The following SLC44A1 variants were observed in gnomAD, a reference collection of about 807,000 sequenced individuals.
SLC44A1 encodes the protein solute carrier family 44 member 1, also known as choline transporter-like protein 1.
In SLC44A1, 26 loss-of-function variants were observed where a neutral mutation model predicts 79.3. The ratio of observed to expected loss-of-function variants is 0.33; its 90% CI spans 0.24 to 0.46. The LOEUF is 0.46. Among genes scored for constraint, SLC44A1 ranks in the 20% least tolerant of loss-of-function variants. The pLI is 1.00. For synonymous variants in SLC44A1, 263 were observed against 286.2 expected, an observed-to-expected ratio of 0.92 and a Z score of 0.82; for missense variants, 688 against 798.1, an observed-to-expected ratio of 0.86 and a Z score of 1.66.
At chr9:105,401,034 C>G (rs551938222), downstream of SLC44A1, among the ~76,000 whole-genome samples, 1 of 152,288 alleles carries the variant, frequency 6.6e-6, no homozygotes, top group Non-Finnish European at 1.5e-5. Context: ...GAACACAGGC[C>G]TCTGAGTGGA....
intron 15 of SLC44A1, among the ~76,000 whole-genome samples, chr9:105,423,677 T>C (rs572126497): frequency 3.3e-4 from 51 of 152,348 alleles, no homozygotes; most frequent in African/African-American, 1.1e-3. Context: ...TAACCTTTCA[T>C]ATCTCAGTAA....
intron 2 of SLC44A1, among the ~76,000 whole-genome samples, chr9:105,303,215 TA>T (rs1830928385): frequency 6.6e-6 from 1 of 151,734 alleles, no homozygotes; most frequent in Non-Finnish European, 1.5e-5. Context: ...TTATGCCCAA[TA>T]AGGTACTCCC....
At chr9:105,306,725 A>G (rs1831042367) in intron 2 of SLC44A1, among the ~76,000 whole-genome samples, 1 of 151,954 alleles carries the variant, frequency 6.6e-6, no homozygotes, top group South Asian at 2.1e-4. Flanking sequence ...GCTTATGATG[A>G]TAAAGAAAAA....
rs200139000 is a variant in SLC44A1, at chr9:105,361,330, A to C, written c.900A>C (p.Thr300=). ...LIYAISATVF[T]VILFLIMLVM... is the part of the protein sequence containing the mutation. ...ATGCCATTTCAGCTACAGTGTTCAC[A>C]GTGAGTTTAGGCTTTGGCGTGTCTT... The change falls in exon 8 of 16, where the codon ACA becomes ACC. Residue 300 remains threonine (T), a splice_region_variant and synonymous_variant. Coordinates refer to ENST00000374720, the MANE Select transcript of SLC44A1 (RefSeq NM_080546.5). 6 of 1,601,866 alleles carry C rather than the reference A, an allele frequency of 3.7e-6. No homozygotes were observed. In the East Asian group the frequency reaches 1.3e-4, roughly 36 times the overall value.
chr9:105,253,065 C>A (rs537730028), intron 1 of SLC44A1, among the ~76,000 whole-genome samples: 27 of 152,216 alleles, frequency 1.8e-4, no homozygotes, highest in Non-Finnish European at 3.1e-4. Context: ...TTGATAAACC[C>A]CTGGAATTTA....
intron 15 of SLC44A1, chr9:105,438,195 C>T (rs1297560748): frequency 2.1e-5 from 23 of 1,102,684 alleles, no homozygotes; most frequent in Non-Finnish European, 1.3e-6. Flanking sequence ...AAGACGATCC[C>T]ACACTATTTC....
Position 105,395,264 on chromosome 9 carries a change from C to T in SLC44A1, c.*6208C>T. 1 of 865,000 alleles carries T rather than the reference C, an allele frequency of 1.2e-6. No individual in the cohort carries two copies. Among genetic ancestry groups the T allele is most frequent in the Non-Finnish European group, 1.4e-6 (1 of 720,340 alleles). 53.6% of individuals were successfully genotyped at this position (865,000 alleles called of 1,614,324 possible). A position where few individuals can be genotyped will look rare whatever the true frequency, so the allele number is the denominator to read the frequency against. On this transcript the variant is annotated 3_prime_UTR_variant, in exon 16 of 16. Coordinates refer to ENST00000374720, the MANE Select transcript of SLC44A1 (RefSeq NM_080546.5). ...AGACGGAGTCTCGCTCTATCGCCAGCTTAGAGTGCAGTGGCTCAATCTTAG... is the reference window on the plus strand; with the variant it reads ...AGACGGAGTCTCGCTCTATCGCCAGTTTAGAGTGCAGTGGCTCAATCTTAG...
intron 13 of SLC44A1, among the ~76,000 whole-genome samples, chr9:105,378,846 A>G (rs1379672005): frequency 6.6e-6 from 1 of 152,262 alleles, no homozygotes; most frequent in African/African-American, 2.4e-5. Flanking sequence ...TTCAACTAAT[A>G]GATCATAATA....
chr9:105,419,961 C>G (rs1829224193), intron 15 of SLC44A1, among the ~76,000 whole-genome samples: 1 of 151,650 alleles, frequency 6.6e-6, no homozygotes, highest in African/African-American at 2.4e-5. Flanking sequence ...TTCCATGCTG[C>G]CTGCTCTGAG....
Position 105,363,021 on chromosome 9 carries a change from C to A in SLC44A1, c.1087+14C>A. The A allele has an allele frequency of 6.4e-7, 1 of 1,567,578 alleles. No homozygotes were observed. Among genetic ancestry groups the A allele is most frequent in the Non-Finnish European group, 8.7e-7 (1 of 1,151,226 alleles). On this transcript the variant is annotated intron_variant, in intron 9 of 15. Coordinates refer to ENST00000374720, the MANE Select transcript of SLC44A1 (RefSeq NM_080546.5). The stretch of plus-strand genomic sequence containing the variant: ...TTGGCACTACCGGTAAGAAGATAAG[C>A]TTCTTTCTCTTAGTGACAAACGTGA...
At position 105,396,979 on chromosome 9, in the gene SLC44A1, C is replaced by T. The variant is rs1056307891; in HGVS notation, c.*7923C>T. On this transcript the variant is annotated 3_prime_UTR_variant, in exon 16 of 16. Transcript: ENST00000374720. ...ACAGTTGTAGCCCTAGTATTTGTGACGGTCATTATTGACACAGTGCAGACT... is the reference window on the plus strand; with the variant it reads ...ACAGTTGTAGCCCTAGTATTTGTGATGGTCATTATTGACACAGTGCAGACT... 2.0e-6 allele frequency: 2 copies of T among 985,288 alleles called. No individual in the cohort carries two copies. The highest frequency in any genetic ancestry group is 2.4e-6 in the Non-Finnish European group (2 of 829,860). 61.0% of individuals were successfully genotyped at this position (985,288 alleles called of 1,614,324 possible).
intron 1 of SLC44A1, among the ~76,000 whole-genome samples, chr9:105,256,235 C>A (rs1363296447): frequency 6.6e-6 from 1 of 152,062 alleles, no homozygotes; most frequent in African/African-American, 2.4e-5. Flanking sequence ...TGGTCTTGAA[C>A]TCCTGAGCTC....
intron 2 of SLC44A1, 45 bp from the exon 3 acceptor site, chr9:105,309,679 T>A (rs1378150989): frequency 1.3e-6 from 2 of 1,580,958 alleles, no homozygotes; most frequent in South Asian, 1.1e-5. Context: ...GACTGTTGGC[T>A]ATTGAAATGG....
intron 14 of SLC44A1, among the ~76,000 whole-genome samples, chr9:105,385,013 A>G (rs773232586): frequency 4.6e-5 from 7 of 152,184 alleles, no homozygotes; most frequent in Non-Finnish European, 1.0e-4. Context: ...TTCTATGGTT[A>G]TTTAAAAGTG....
In SLC44A1 at chr9:105,374,677, A is replaced by G; in HGVS notation, c.1574A>G (p.Asn525Ser). The change falls in exon 13 of 16, where the codon AAT becomes AGT. Residue 525 changes from asparagine (N) to serine (S), a missense_variant. Physicochemically the swap from Asn to Ser is conservative, Grantham distance 46 (BLOSUM62 1). Coordinates refer to ENST00000374720, the MANE Select transcript of SLC44A1 (RefSeq NM_080546.5). ...AKDAFVILVE[N>S]ALRVATINTV... Reference sequence around the variant, plus strand: ...GATGCCTTTGTCATTCTGGTGGAGAATGCTTTGCGAGTGGCTACCATCAAC... The same window carrying G: ...GATGCCTTTGTCATTCTGGTGGAGAGTGCTTTGCGAGTGGCTACCATCAAC... 1.2e-6 allele frequency: 2 copies of G among 1,613,814 alleles called. No homozygotes were observed. Among genetic ancestry groups the G allele is most frequent in the Non-Finnish European group, 1.7e-6 (2 of 1,179,666 alleles).
chr9:105,375,714 G>A (rs2131445525), intron 13 of SLC44A1, among the ~76,000 whole-genome samples: 1 of 152,234 alleles, frequency 6.6e-6, no homozygotes, highest in Non-Finnish European at 1.5e-5. Context: ...CCTTAGAAGT[G>A]TCGAACAAGA....
chr9:105,426,483 C>G (rs1156300832), intron 15 of SLC44A1, among the ~76,000 whole-genome samples: 1 of 152,120 alleles, frequency 6.6e-6, no homozygotes, highest in Non-Finnish European at 1.5e-5. Flanking sequence ...TTCTTTGCAT[C>G]TACTTAAAAA....
At chr9:105,322,292 T>C (rs1347847476) in intron 3 of SLC44A1, among the ~76,000 whole-genome samples, 3 of 152,216 alleles carry the variant, frequency 2.0e-5, no homozygotes, top group Non-Finnish European at 4.4e-5. Context: ...TACGTGTGTG[T>C]GCCCCATGTA....
intron 4 of SLC44A1, among the ~76,000 whole-genome samples, chr9:105,345,359 A>G (rs1827216922): frequency 6.6e-6 from 1 of 152,202 alleles, no homozygotes; most frequent in African/African-American, 2.4e-5. Flanking sequence ...AGGACAGAAA[A>G]TATAAAATCA....
Sources: allele counts gnomAD v4.1 joint callset (sites outside exome capture counted in the v4.1 genomes callset), GRCh38; gene constraint gnomAD v4.1.1; transcripts MANE v1.5; gene names NCBI Gene and HGNC (gene_info 2026-07-23, HGNC 2026-07-21).